The following CDKAL1 variants were observed in gnomAD, a reference collection of about 807,000 sequenced individuals.
CDKAL1 encodes the protein threonylcarbamoyladenosine tRNA methylthiotransferase.
CDKAL1 carries 32 observed loss-of-function variants against 68.2 expected under a neutral mutation model. The ratio of observed to expected loss-of-function variants is 0.47; its 90% CI spans 0.35 to 0.63. CDKAL1 has a LOEUF of 0.63. CDKAL1 is among the 30% of genes least tolerant of loss of function. CDKAL1 has a pLI of 0.00. For missense variants in CDKAL1, 606 were observed against 696.7 expected (o/e 0.87, Z 1.47); for synonymous variants, 234 against 244.3 (o/e 0.96, Z 0.39).
intron 4 of CDKAL1, among the ~76,000 whole-genome samples, chr6:20,637,232 A>G (rs973111010): frequency 1.3e-5 from 2 of 151,944 alleles, no homozygotes; most frequent in Non-Finnish European, 2.9e-5. Context: ...GCATAGAGAG[A>G]GTTCTTTCGA....
chr6:20,609,348 CCTT>C (rs907034096), intron 4 of CDKAL1, among the ~76,000 whole-genome samples: 2 of 143,708 alleles, frequency 1.4e-5, no homozygotes, highest in African/African-American at 5.2e-5. Context: ...TCTTTTCCCT[CCTT>C]CTCCTCCCTT....
chr6:20,979,391 A>G (rs2150770148), intron 10 of CDKAL1, among the ~76,000 whole-genome samples: 1 of 152,338 alleles, frequency 6.6e-6, no homozygotes, highest in East Asian at 1.9e-4. Context: ...CTTTGGGTAC[A>G]TTGAGAAACA....
At chr6:20,754,514 C>T (rs896961916) in intron 6 of CDKAL1, among the ~76,000 whole-genome samples, 11 of 152,182 alleles carry the variant, frequency 7.2e-5, no homozygotes, top group Admixed American at 2.6e-4. Context: ...CCTATTCCTA[C>T]GTTACGGTTC....
intron 4 of CDKAL1, among the ~76,000 whole-genome samples, chr6:20,554,668 AC>A (rs1763966696): frequency 6.6e-6 from 1 of 152,210 alleles, no homozygotes; most frequent in African/African-American, 2.4e-5. Flanking sequence ...CACAATCCTT[AC>A]ACAATTTTGT....
intron 11 of CDKAL1, among the ~76,000 whole-genome samples, chr6:21,062,633 C>T (rs1771205951): frequency 6.6e-6 from 1 of 152,106 alleles, no homozygotes; most frequent in Non-Finnish European, 1.5e-5. Context: ...ATTTATCTTA[C>T]TAACTAAAGT....
chr6:20,592,929 T>C (rs1397919265), intron 4 of CDKAL1, among the ~76,000 whole-genome samples: 1 of 152,172 alleles, frequency 6.6e-6, no homozygotes, highest in Non-Finnish European at 1.5e-5. Context: ...GAGATAATCA[T>C]GTGTTTTTTG....
chr6:21,086,137 G>T (rs986169979), intron 12 of CDKAL1, among the ~76,000 whole-genome samples: 2 of 152,140 alleles, frequency 1.3e-5, no homozygotes, highest in African/African-American at 4.8e-5. Flanking sequence ...GGTAATGATT[G>T]TTTTTATCCC....
chr6:20,718,183 T>C (rs1486159253), intron 5 of CDKAL1, among the ~76,000 whole-genome samples: 1 of 152,222 alleles, frequency 6.6e-6, no homozygotes, highest in Non-Finnish European at 1.5e-5. Flanking sequence ...TTAATTCATC[T>C]CTCAATCTTG....
chr6:20,941,164 C>G (rs1238555192), intron 9 of CDKAL1, among the ~76,000 whole-genome samples: 1 of 149,672 alleles, frequency 6.7e-6, no homozygotes, highest in Admixed American at 6.7e-5. Context: ...CCACATATGG[C>G]TTGTGGTTTA....
At chr6:20,740,091 C>G (rs1581483416) in intron 6 of CDKAL1, among the ~76,000 whole-genome samples, 1 of 152,214 alleles carries the variant, frequency 6.6e-6, no homozygotes, top group Non-Finnish European at 1.5e-5. Context: ...ATTATTCTCT[C>G]TAGTTTCTCT....
chr6:20,812,609 G>C (rs985137874), intron 8 of CDKAL1, among the ~76,000 whole-genome samples: 1 of 152,100 alleles, frequency 6.6e-6, no homozygotes, highest in Admixed American at 6.6e-5. Flanking sequence ...AGTTTCTAGA[G>C]TTTTACATAA....
intron 11 of CDKAL1, among the ~76,000 whole-genome samples, chr6:21,038,877 A>G (rs1339101404): frequency 6.6e-6 from 1 of 152,186 alleles, no homozygotes; most frequent in African/African-American, 2.4e-5. Context: ...CTCATCTATG[A>G]ATGGAGAAAA....
intron 9 of CDKAL1, among the ~76,000 whole-genome samples, chr6:20,922,992 C>T (rs767152366): frequency 2.0e-5 from 3 of 152,174 alleles, no homozygotes; most frequent in Non-Finnish European, 4.4e-5. Context: ...GACTCAAATA[C>T]TTTGAAAACC....
At chr6:20,648,676 C>T (rs1248012996) in intron 4 of CDKAL1, among the ~76,000 whole-genome samples, 5 of 152,132 alleles carry the variant, frequency 3.3e-5, no homozygotes, top group Admixed American at 6.5e-5. Flanking sequence ...AAGATCCTTT[C>T]AGGCAACTGA....
intron 5 of CDKAL1, among the ~76,000 whole-genome samples, chr6:20,729,776 T>C (rs1431192122): frequency 6.6e-6 from 1 of 152,218 alleles, no homozygotes; most frequent in Admixed American, 6.5e-5. Flanking sequence ...GTGCTAACTA[T>C]TTTACTACCC....
chr6:20,642,022 A>G (rs972359998), intron 4 of CDKAL1, among the ~76,000 whole-genome samples: 2 of 152,324 alleles, frequency 1.3e-5, no homozygotes, highest in Admixed American at 1.3e-4. Context: ...TGCACTGGAT[A>G]GTATCGCACT....
intron 4 of CDKAL1, among the ~76,000 whole-genome samples, chr6:20,575,301 A>G (rs191612876): frequency 1.3e-3 from 191 of 152,214 alleles, no homozygotes; most frequent in Non-Finnish European, 2.4e-3. Context: ...AACTTTAGAT[A>G]TCAGTAAATC....
rs146911159 is a variant in CDKAL1 at position 20,766,291 on chromosome 6, A to C, written c.517+7648A>C. Among the ~76,000 whole-genome samples, 15 of 152,140 alleles carry C rather than the reference A, an allele frequency of 9.9e-5. No individual in the cohort carries two copies. The East Asian group carries it at 2.9e-3, about 29-fold the overall frequency. On this transcript the variant is annotated intron_variant, in intron 7 of 15. Coordinates refer to ENST00000274695, the MANE Select transcript of CDKAL1 (RefSeq NM_017774.3). ...GTATTTCTCTAACTTTTGATTTCTTAATTCTGGGGTTTTGGTGGGGTGAGC... is the reference window on the plus strand; with the variant it reads ...GTATTTCTCTAACTTTTGATTTCTTCATTCTGGGGTTTTGGTGGGGTGAGC...
intron 7 of CDKAL1, among the ~76,000 whole-genome samples, chr6:20,779,275 C>T (rs1487995914): frequency 6.6e-6 from 1 of 152,208 alleles, no homozygotes; most frequent in African/African-American, 2.4e-5. Flanking sequence ...TCCACCAGTT[C>T]TACTCCTAGG....
Sources: allele counts gnomAD v4.1 joint callset (sites outside exome capture counted in the v4.1 genomes callset), GRCh38; gene constraint gnomAD v4.1.1; transcripts MANE v1.5; gene names NCBI Gene and HGNC (gene_info 2026-07-23, HGNC 2026-07-21).